Variants in FAM114A1 observed in about 807,000 individuals in gnomAD.
FAM114A1 encodes the protein protein NOXP20.
Under a neutral mutation model 64.3 loss-of-function variants are expected in FAM114A1, and 62 were observed. The observed-to-expected ratio is 0.96, with a 90% confidence interval of 0.79 to 1.19. The LOEUF is 1.19. Ranked by LOEUF, FAM114A1 falls within the 50% of genes most tolerant of loss-of-function variation. FAM114A1 has a pLI of 0.00. For missense variants in FAM114A1, 645 were observed against 676.3 expected, an observed-to-expected ratio of 0.95 and a Z score of 0.51; for synonymous variants, 254 against 251.1, an observed-to-expected ratio of 1.01 and a Z score of -0.11.
intron 3 of FAM114A1, among the ~76,000 whole-genome samples, chr4:38,888,183 C>T (rs896724976): frequency 7.9e-5 from 12 of 151,356 alleles, no homozygotes; most frequent in African/African-American, 2.9e-4. Context: ...ATGATAAAGA[C>T]CTTTAAATGG....
chr4:38,940,324 C>T (rs1325215566), intron 13 of FAM114A1, among the ~76,000 whole-genome samples: 1 of 151,928 alleles, frequency 6.6e-6, no homozygotes, highest in Non-Finnish European at 1.5e-5. Flanking sequence ...TTTTGCTGCT[C>T]TTCTAGAAGA....
At chr4:38,943,317 C>A in intron 14 of FAM114A1, 139 bp from the exon 15 acceptor site, 1 of 665,740 alleles carries the variant, frequency 1.5e-6, no homozygotes, top group Non-Finnish European at 2.6e-6. Flanking sequence ...TTTACACTTG[C>A]TTTAAGCACC....
At chr4:38,875,189 AT>A (rs1714490650) in intron 2 of FAM114A1, among the ~76,000 whole-genome samples, 1 of 80,666 alleles carries the variant, frequency 1.2e-5, no homozygotes, top group Admixed American at 1.0e-4. Flanking sequence ...ATTTTAGAAT[AT>A]TTTTTTCTAA....
chr4:38,880,221 A>G, intron 3 of FAM114A1, among the ~76,000 whole-genome samples: 1 of 152,094 alleles, frequency 6.6e-6, no homozygotes, highest in Non-Finnish European at 1.5e-5. Flanking sequence ...CTGATTCAGG[A>G]ATGGGGCTTG....
At chr4:38,900,231 A>C (rs1451524032) in intron 4 of FAM114A1, among the ~76,000 whole-genome samples, 4 of 152,076 alleles carry the variant, frequency 2.6e-5, no homozygotes, top group Non-Finnish European at 5.9e-5. Context: ...ATTTTAAAAA[A>C]AAAAAACAGA....
intron 3 of FAM114A1, 37 bp from the exon 4 acceptor site, chr4:38,891,706 T>C (rs1579319424): frequency 6.4e-7 from 1 of 1,554,544 alleles, no homozygotes; most frequent in Non-Finnish European, 8.7e-7. Flanking sequence ...AGAGATATAC[T>C]GAATTTCTGA....
chr4:38,943,052 G>A (rs1283399488), intron 14 of FAM114A1, among the ~76,000 whole-genome samples: 1 of 152,108 alleles, frequency 6.6e-6, no homozygotes, highest in Non-Finnish European at 1.5e-5. Context: ...AATTAGCTGG[G>A]CGTGGTGGTG....
At position 38,888,120 on chromosome 4, in the gene FAM114A1, A is replaced by G. The variant is rs1715992958; in HGVS notation, c.349-3623A>G. Among the ~76,000 whole-genome samples, 3 of 151,962 alleles carry G rather than the reference A, an allele frequency of 2.0e-5. No individual in the cohort carries two copies. The South Asian group carries it at 6.2e-4, about 31-fold the overall frequency. Reference sequence around the variant, plus strand: ...GAGTTCTGGGATTTTACTTTTTTCTATCTAATAATACCTTTAAACTTGATA... The same window carrying G: ...GAGTTCTGGGATTTTACTTTTTTCTGTCTAATAATACCTTTAAACTTGATA... On this transcript the variant is annotated intron_variant, in intron 3 of 14. Transcript: ENST00000358869.
At position 38,923,036 on chromosome 4, in the gene FAM114A1, T is replaced by C. The variant is rs1009953540; in HGVS notation, c.1069+143T>C. The C allele has an allele frequency of 3.1e-6, 3 of 976,068 alleles. No individual in the cohort carries two copies. The Admixed American group carries it at 9.6e-5, about 31-fold the overall frequency. 60.5% of individuals were successfully genotyped at this position (976,068 alleles called of 1,614,324 possible). On this transcript the variant is annotated intron_variant, in intron 9 of 14. Coordinates refer to ENST00000358869, the MANE Select transcript of FAM114A1 (RefSeq NM_138389.4). Reference sequence around the variant, plus strand: ...AAAAGACACTGTGCATCTGCTCTTGTTACAGGAGCTGGTCACATTGATTTA... The same window carrying C: ...AAAAGACACTGTGCATCTGCTCTTGCTACAGGAGCTGGTCACATTGATTTA...
intron 9 of FAM114A1, among the ~76,000 whole-genome samples, chr4:38,927,951 G>T (rs12507646): frequency 0.07 from 10,650 of 152,234 alleles, 454 homozygotes; most frequent in Middle Eastern, 0.26. Flanking sequence ...CAAAGTGCTG[G>T]GATTACAGGC....
At chr4:38,890,416 A>C (rs903106027) in intron 3 of FAM114A1, among the ~76,000 whole-genome samples, 1 of 151,718 alleles carries the variant, frequency 6.6e-6, no homozygotes, top group African/African-American at 2.4e-5. Flanking sequence ...AAAAAAACAA[A>C]AAAAAACAGC....
intron 6 of FAM114A1, among the ~76,000 whole-genome samples, chr4:38,906,560 G>A (rs1359540238): frequency 6.6e-6 from 1 of 152,160 alleles, no homozygotes; most frequent in Non-Finnish European, 1.5e-5. Flanking sequence ...TTGAGATGGA[G>A]TCTCACTCTT....
intron 13 of FAM114A1, among the ~76,000 whole-genome samples, chr4:38,936,064 T>C (rs540085902): frequency 3.3e-5 from 5 of 152,024 alleles, no homozygotes; most frequent in Admixed American, 3.3e-4. Context: ...TGTTTTTGTT[T>C]GTTTGTTTGT....
chr4:38,878,132 TG>T lies in FAM114A1; in HGVS notation c.55del (p.Glu19ArgfsTer68). 6.2e-7 allele frequency: 1 copy of T among 1,613,866 alleles called. No homozygotes were observed. Among genetic ancestry groups the T allele is most frequent in the Non-Finnish European group, 8.5e-7 (1 of 1,179,780 alleles). ...CCACTGGAGACAAAGCAGAAGTTAC[TG>T]AGATGCCTAATAGTGATTCTTTACC... ...LATGDKAEVT[E>X]MPNSDSLPED... On this transcript the variant is annotated frameshift_variant, in exon 3 of 15. Transcript: ENST00000358869. LOFTEE classifies it high-confidence loss of function.
Position 38,905,914 on chromosome 4 carries a change from T to G in FAM114A1, c.657+53T>G, listed in dbSNP as rs1166946859. 1.1e-5 allele frequency: 16 copies of G among 1,497,552 alleles called. No homozygotes were observed. The East Asian group carries it at 3.0e-4, about 28-fold the overall frequency. The allele number at this position is 1,497,552 out of a possible 1,614,324, so 92.8% of individuals were successfully genotyped here. A position where few individuals can be genotyped will look rare whatever the true frequency, so the allele number is the denominator to read the frequency against. Reference sequence around the variant, plus strand: ...CCCCTGTATTTCCCAGGGCCTTCTTTTGATATTTCCATTTACCAGTGACCT... The same window carrying G: ...CCCCTGTATTTCCCAGGGCCTTCTTGTGATATTTCCATTTACCAGTGACCT... On this transcript the variant is annotated intron_variant, in intron 6 of 14. Transcript: ENST00000358869.
chr4:38,935,994 C>T (rs1225581158), intron 13 of FAM114A1, among the ~76,000 whole-genome samples: 1 of 152,148 alleles, frequency 6.6e-6, no homozygotes, highest in African/African-American at 2.4e-5. Context: ...AATCTGCCAT[C>T]TCAGTCTTAC....
chr4:38,868,333 G>A (rs1367009186), intron 1 of FAM114A1, 65 bp from the exon 2 acceptor site: 1 of 153,002 alleles, frequency 6.5e-6, no homozygotes, highest in Admixed American at 6.6e-5. Flanking sequence ...CCTGCCCTCG[G>A]CCTTGGCACA....
chr4:38,910,362 G>A (rs1461127503), intron 7 of FAM114A1, among the ~76,000 whole-genome samples: 5 of 152,188 alleles, frequency 3.3e-5, no homozygotes, highest in East Asian at 1.9e-4. Context: ...TTTACCTTTC[G>A]CTCTCACAAA....
At chr4:38,931,004 A>G (rs1720580824) in intron 10 of FAM114A1, among the ~76,000 whole-genome samples, 1 of 152,214 alleles carries the variant, frequency 6.6e-6, no homozygotes. Context: ...GGTTCATGAA[A>G]CATGAAGAGC....
Sources: gnomAD v4.1 joint callset for allele counts (sites outside exome capture counted in the v4.1 genomes callset) on GRCh38, gnomAD v4.1.1 for gene constraint, MANE v1.5 for transcripts, NCBI Gene and HGNC (gene_info 2026-07-23, HGNC 2026-07-21) for gene names.